GALNT17: variants seen among roughly 807,000 people sequenced by gnomAD.
GALNT17 encodes the protein UDP-GalNAc:polypeptide N-acetylgalactosaminyltransferase-like 3.
In GALNT17, 29 loss-of-function variants were observed where a neutral mutation model predicts 63.7. The ratio of observed to expected loss-of-function variants is 0.46; its 90% confidence interval spans 0.34 to 0.62. GALNT17 has a LOEUF of 0.62. GALNT17 is among the 20% of genes least tolerant of loss of function. GALNT17 has a pLI of 0.01. For missense variants in GALNT17, 603 were observed against 799.6 expected (o/e 0.75, Z 2.97); for synonymous variants, 305 against 318.3 (o/e 0.96, Z 0.45).
At chr7:71,240,060 C>T (rs1208503881) in intron 1 of GALNT17, among the ~76,000 whole-genome samples, 1 of 152,108 alleles carries the variant, frequency 6.6e-6, no homozygotes, top group Non-Finnish European at 1.5e-5. Flanking sequence ...CTCACAGTTA[C>T]ACAGAAGTGA....
chr7:71,602,168 C>A (rs1320879264), intron 6 of GALNT17, among the ~76,000 whole-genome samples: 1 of 152,226 alleles, frequency 6.6e-6, no homozygotes, highest in Non-Finnish European at 1.5e-5. Context: ...ACGACCATCC[C>A]TAATTTTAAA....
rs1428002465 is a variant in GALNT17, at chr7:71,712,082, G to T, written c.1733G>T (p.Gly578Val). The T allele has an allele frequency of 3.7e-6, 6 of 1,613,958 alleles. No homozygotes were observed. The highest frequency in any genetic ancestry group is 5.1e-6 in the Non-Finnish European group (6 of 1,179,990). ...GAGGTGGAGAACCGGGGCCTGGCTG[G>T]CATCGACCTCATCCTCCGCAGCTGC... ...CLEVENRGLA[G>V]IDLILRSCTG... Residue 578 changes from glycine to valine, a missense_variant, in exon 11 of 11, where the codon GGC becomes GTC. Gly to Val is a moderately radical substitution (Grantham distance 109). Transcript: ENST00000333538.
At chr7:71,429,610 A>G (rs1786822753) in intron 5 of GALNT17, among the ~76,000 whole-genome samples, 1 of 152,154 alleles carries the variant, frequency 6.6e-6, no homozygotes, top group Non-Finnish European at 1.5e-5. Context: ...TGGTGAGATC[A>G]TAGTTCATCA....
chr7:71,239,252 G>T (rs1239169845), intron 1 of GALNT17, among the ~76,000 whole-genome samples: 5 of 151,932 alleles, frequency 3.3e-5, no homozygotes, highest in Non-Finnish European at 5.9e-5. Context: ...TTAGGGCCAG[G>T]AGTTCAAGAC....
chr7:71,460,346 G>A (rs4404817), intron 5 of GALNT17, among the ~76,000 whole-genome samples: 80,250 of 151,994 alleles, frequency 0.53, 23,227 homozygotes, highest in Non-Finnish European at 0.66. Context: ...AATTTTTGGT[G>A]AAAAACGATA....
chr7:71,221,709 T>C (rs1030028408), intron 1 of GALNT17, among the ~76,000 whole-genome samples: 16 of 152,214 alleles, frequency 1.1e-4, no homozygotes, highest in Non-Finnish European at 7.3e-5. Context: ...TCTCTTTGCA[T>C]CTCTGCACGC....
chr7:71,597,278 A>T (rs1282679431), intron 6 of GALNT17, among the ~76,000 whole-genome samples: 1 of 152,096 alleles, frequency 6.6e-6, no homozygotes, highest in African/African-American at 2.4e-5. Flanking sequence ...TAACCTTGTG[A>T]TCCACCTGCC....
intron 6 of GALNT17, among the ~76,000 whole-genome samples, chr7:71,613,792 ATTT>A (rs56216543): frequency 3.0e-5 from 4 of 132,386 alleles, no homozygotes; most frequent in Admixed American, 7.7e-5. Flanking sequence ...CATCTCTATG[ATTT>A]TTTTTTTTTT....
At chr7:71,266,314 G>A (rs1790491431) in intron 1 of GALNT17, among the ~76,000 whole-genome samples, 1 of 152,110 alleles carries the variant, frequency 6.6e-6, no homozygotes, top group Non-Finnish European at 1.5e-5. Flanking sequence ...CGGAGGAGGG[G>A]CCTGGTGGGA....
intron 9 of GALNT17, among the ~76,000 whole-genome samples, chr7:71,691,121 G>A (rs538585644): frequency 6.6e-6 from 1 of 152,256 alleles, no homozygotes; most frequent in South Asian, 2.1e-4. Flanking sequence ...GTCAATTAAT[G>A]CAGCAAACTT....
At chr7:71,698,990 G>A (rs560798665) in intron 9 of GALNT17, among the ~76,000 whole-genome samples, 8 of 151,382 alleles carry the variant, frequency 5.3e-5, no homozygotes, top group African/African-American at 1.9e-4. Context: ...TGGGCAACAT[G>A]GTGAAACCCT....
chr7:71,295,917 GT>G lies in GALNT17; in HGVS notation c.239-39619del, dbSNP rs895482164. Among the ~76,000 whole-genome samples, 167 of 142,812 alleles carry G rather than the reference GT, an allele frequency of 1.2e-3. 1 individual carries two copies. Among genetic ancestry groups the G allele is most frequent in the Middle Eastern group, 3.7e-3 (1 of 268 alleles). The allele number at this position is 142,812 out of a possible 152,430, so 93.7% of individuals were successfully genotyped here. On this transcript the variant is annotated intron_variant, in intron 1 of 10. Coordinates refer to ENST00000333538, the MANE Select transcript of GALNT17 (RefSeq NM_022479.3). ...GCAGGAGTCTGCCTTTCTTTCTTGGGTTTTTTTTTTTTTTCCCAGCCTGTCA... is the reference window on the plus strand; with the variant it reads ...GCAGGAGTCTGCCTTTCTTTCTTGGGTTTTTTTTTTTTTCCCAGCCTGTCA...
At chr7:71,358,360 A>G (rs1292158924) in intron 2 of GALNT17, among the ~76,000 whole-genome samples, 1 of 152,170 alleles carries the variant, frequency 6.6e-6, no homozygotes, top group Non-Finnish European at 1.5e-5. Context: ...GCGCCATTGC[A>G]CTCCTGCCTG....
At chr7:71,304,276 T>C (rs6964131) in intron 1 of GALNT17, among the ~76,000 whole-genome samples, 103,324 of 152,158 alleles carry the variant, frequency 0.68, 35,300 homozygotes, top group Middle Eastern at 0.74. Flanking sequence ...CATAGTTTAA[T>C]CTGTATATAT....
chr7:71,640,744 A>G (rs1396645319), intron 6 of GALNT17, among the ~76,000 whole-genome samples: 2 of 151,922 alleles, frequency 1.3e-5, no homozygotes, highest in African/African-American at 4.8e-5. Flanking sequence ...ACTTAAATAC[A>G]TTATTTTCTG....
chr7:71,198,235 C>T (rs1016315823), intron 1 of GALNT17, among the ~76,000 whole-genome samples: 1 of 149,514 alleles, frequency 6.7e-6, no homozygotes, highest in African/African-American at 2.5e-5. Flanking sequence ...ATACCAACTT[C>T]AAGTGGGTAT....
intron 1 of GALNT17, among the ~76,000 whole-genome samples, chr7:71,250,807 CT>C (rs1434403197): frequency 2.0e-5 from 3 of 152,156 alleles, no homozygotes; most frequent in South Asian, 2.1e-4. Context: ...GGGAAAAACC[CT>C]TTTCCCTGAG....
chr7:71,586,598 C>G (rs1228743517), intron 6 of GALNT17, among the ~76,000 whole-genome samples: 1 of 151,806 alleles, frequency 6.6e-6, no homozygotes, highest in Non-Finnish European at 1.5e-5. Flanking sequence ...AATCAGGTAT[C>G]CAAAATGTGC....
intron 1 of GALNT17, among the ~76,000 whole-genome samples, chr7:71,144,895 AT>A (rs796453206): frequency 8.6e-5 from 13 of 152,044 alleles, no homozygotes; most frequent in East Asian, 3.9e-4. Flanking sequence ...TGCCAGGCTA[AT>A]TTTTTGTATT....
Sources: allele counts gnomAD v4.1 joint callset (sites outside exome capture counted in the v4.1 genomes callset), GRCh38; gene constraint gnomAD v4.1.1; transcripts MANE v1.5; gene names NCBI Gene and HGNC (gene_info 2026-07-23, HGNC 2026-07-21).